Variants in LYPD8 observed in about 807,000 individuals in gnomAD.
LYPD8 encodes LY6/PLAUR domain containing 8.
Under a neutral mutation model 1.7 loss-of-function variants are expected in LYPD8, and 8 were observed. The observed-to-expected ratio is 4.58, with a 90% CI of 2.69 to 8.27. LYPD8 has a LOEUF of 8.27. Among genes scored for constraint, LYPD8 ranks in the 30% most tolerant of loss-of-function variants. The pLI is 0.00. For missense variants in LYPD8, 112 were observed against 102.3 expected (o/e 1.09, Z -0.41); for synonymous variants, 50 against 43.6 (o/e 1.15, Z -0.58).
intron 2 of LYPD8, among the ~76,000 whole-genome samples, chr1:248,753,017 A>C: frequency 9.0e-6 from 1 of 110,956 alleles, no homozygotes; most frequent in African/African-American, 3.7e-5. Context: ...CATCATACAC[A>C]CACCACACAC....
intron 6 of LYPD8, among the ~76,000 whole-genome samples, chr1:248,741,618 T>C (rs1157634325): frequency 1.3e-5 from 2 of 152,244 alleles, no homozygotes; most frequent in African/African-American, 4.8e-5. Flanking sequence ...ACATTTATGA[T>C]AGCTTTGATC....
chr1:248,749,894 TA>T (rs1399331262), intron 4 of LYPD8, among the ~76,000 whole-genome samples: 1 of 151,628 alleles, frequency 6.6e-6, no homozygotes, highest in Non-Finnish European at 1.5e-5. Context: ...ATGTTTAATT[TA>T]AAATACCATA....
intron 2 of LYPD8, among the ~76,000 whole-genome samples, chr1:248,753,209 CACACACACCA>C (rs1662854315): frequency 9.2e-6 from 1 of 108,686 alleles, no homozygotes; most frequent in Non-Finnish European, 1.9e-5. Flanking sequence ...CCCCACACAA[CACACACACCA>C]CACCACACAC....
In LYPD8 at chr1:248,744,455, G is replaced by A. The variant is rs187829156; in HGVS notation, c.475+687C>T. On this transcript the variant is annotated intron_variant, in intron 6 of 6. Coordinates refer to ENST00000590317, the MANE Select transcript of LYPD8 (RefSeq NM_001085474.2). ...AATGTATTAACCTTTAACTGTTTGG[G>A]CAAATGTTAGAAATGTGTATTTTAC... Among the ~76,000 whole-genome samples the A allele has an allele frequency of 1.1e-4, 16 of 152,312 alleles. No homozygotes were observed. The East Asian group carries it at 2.3e-3, about 22-fold the overall frequency.
In LYPD8 at chr1:248,753,556, TCACA is replaced by T. The variant is rs1168239298; in HGVS notation, c.-50+1679_-50+1682del. Among the ~76,000 whole-genome samples the T allele has an allele frequency of 8.1e-4, 35 of 43,458 alleles. 4 individuals are homozygous for T. The East Asian group carries it at 0.022, about 28-fold the overall frequency. 28.5% of individuals were successfully genotyped at this position (43,458 alleles called of 152,430 possible). On this transcript the variant is annotated intron_variant, in intron 2 of 6. Coordinates refer to ENST00000590317, the MANE Select transcript of LYPD8 (RefSeq NM_001085474.2). ...AACACACCACATCACACAAAACACA[TCACA>T]CACACAACACACACCCCACACAACA... is the stretch of plus-strand genomic sequence containing the variant.
At chr1:248,740,211 A>C (rs1379120071) in intron 6 of LYPD8, among the ~76,000 whole-genome samples, 3 of 152,184 alleles carry the variant, frequency 2.0e-5, no homozygotes, top group Non-Finnish European at 4.4e-5. Flanking sequence ...GAACAGATTC[A>C]AAAGGCAGTT....
At chr1:248,754,213 A>G (rs935287559) in intron 2 of LYPD8, among the ~76,000 whole-genome samples, 8 of 149,822 alleles carry the variant, frequency 5.3e-5, no homozygotes, top group Non-Finnish European at 1.0e-4. Context: ...ATTAAATGCC[A>G]CATACAACAC....
chr1:248,753,075 ACCCCACACC>A (rs1662847453), intron 2 of LYPD8, among the ~76,000 whole-genome samples: 2 of 68,530 alleles, frequency 2.9e-5, no homozygotes, highest in East Asian at 5.3e-4. Context: ...CACCCCACAC[ACCCCACACC>A]ACACTACACA....
intron 2 of LYPD8, among the ~76,000 whole-genome samples, chr1:248,752,783 A>ACCACG (rs1189946320): frequency 1.4e-4 from 13 of 89,766 alleles, no homozygotes; most frequent in African/African-American, 5.4e-4. Flanking sequence ...CACAACACAC[A>ACCACG]CCACACACAC....
Position 248,745,175 on chromosome 1 carries a change from GTTC to G in LYPD8, c.439_441del (p.Glu147del), listed in dbSNP as rs1371365705. 68 of 398,468 alleles carry G rather than the reference GTTC, an allele frequency of 1.7e-4. No homozygotes were observed. Among genetic ancestry groups the G allele is most frequent in the Admixed American group, 3.1e-4 (7 of 22,714 alleles). The allele number at this position is 398,468 out of a possible 1,614,324, so 24.7% of individuals were successfully genotyped here. On this transcript the variant is annotated inframe_deletion, in exon 6 of 7. Transcript: ENST00000590317. ...AGTTCTGCAACTAGAAAGACACACT[GTTC>G]TTCTTCATAGCATTTCCAGGGCTTC...
At chr1:248,746,228 G>C (rs1249096701) in intron 5 of LYPD8, among the ~76,000 whole-genome samples, 1 of 152,130 alleles carries the variant, frequency 6.6e-6, no homozygotes, top group African/African-American at 2.4e-5. Flanking sequence ...CCACATAAAC[G>C]AAAGTTCTTT....
chr1:248,740,128 C>A (rs190733335), intron 6 of LYPD8, among the ~76,000 whole-genome samples: 1 of 152,342 alleles, frequency 6.6e-6, no homozygotes, highest in East Asian at 1.9e-4. Context: ...CCAGGCTAAA[C>A]AGTGAAGGTC....
intron 5 of LYPD8, among the ~76,000 whole-genome samples, chr1:248,746,406 T>C (rs1662726604): frequency 6.6e-6 from 1 of 152,202 alleles, no homozygotes; most frequent in Non-Finnish European, 1.5e-5. Context: ...CCCATTTGTT[T>C]CCTGTGTAAT....
chr1:248,753,991 TCACATACACACTG>T (rs1258612785), intron 2 of LYPD8, among the ~76,000 whole-genome samples: 5 of 109,696 alleles, frequency 4.6e-5, no homozygotes, highest in African/African-American at 2.0e-4. Context: ...ACTCCACACA[TCACATACACACTG>T]CACATACACT....
chr1:248,746,593 G>A (rs1372176988), intron 5 of LYPD8, among the ~76,000 whole-genome samples: 8,369 of 146,360 alleles, frequency 0.057, 167 homozygotes, highest in South Asian at 0.16. Flanking sequence ...TCGCCCGCAC[G>A]GCCAGCACCC....
At chr1:248,752,972 CACACACACAACACA>C (rs1233033141) in intron 2 of LYPD8, among the ~76,000 whole-genome samples, 1 of 127,902 alleles carries the variant, frequency 7.8e-6, no homozygotes, top group Non-Finnish European at 1.6e-5. Context: ...CCCCACACAA[CACACACACAACACA>C]ACACACACAC....
intron 6 of LYPD8, among the ~76,000 whole-genome samples, chr1:248,741,048 G>C (rs1437300028): frequency 6.6e-6 from 1 of 152,232 alleles, no homozygotes; most frequent in Non-Finnish European, 1.5e-5. Flanking sequence ...AGGAGTTCGA[G>C]GCAGCAGTGA....
intron 2 of LYPD8, among the ~76,000 whole-genome samples, chr1:248,752,595 AC>A (rs1662818337): frequency 8.2e-6 from 1 of 121,512 alleles, no homozygotes. Context: ...CACACCACAC[AC>A]CCCACACACC....
At chr1:248,749,861 G>A (rs1309892225) in intron 4 of LYPD8, among the ~76,000 whole-genome samples, 1 of 151,854 alleles carries the variant, frequency 6.6e-6, no homozygotes, top group African/African-American at 2.4e-5. Context: ...ACACATATAT[G>A]TGTGTACATG....
Sources: gnomAD v4.1 joint callset for allele counts (sites outside exome capture counted in the v4.1 genomes callset) on GRCh38, gnomAD v4.1.1 for gene constraint, MANE v1.5 for transcripts, NCBI Gene and HGNC (gene_info 2026-07-23, HGNC 2026-07-21) for gene names.